Variants in IL27RA observed in about 807,000 individuals in gnomAD.
IL27RA encodes interleukin 27 receptor subunit alpha.
A neutral mutation model predicts 80.8 loss-of-function variants in IL27RA; 61 were observed. The observed-to-expected ratio is 0.76, with a 90% CI of 0.61 to 0.93. The LOEUF is 0.93. Among genes scored for constraint, IL27RA ranks in the 40% least tolerant of loss-of-function variants. The pLI is 0.00. For missense variants in IL27RA, 735 were observed against 808.1 expected (o/e 0.91, Z 1.10); for synonymous variants, 316 against 332.5 (o/e 0.95, Z 0.54).
At chr19:14,033,818 A>G (rs994613406) in intron 2 of IL27RA, among the ~76,000 whole-genome samples, 1 of 151,976 alleles carries the variant, frequency 6.6e-6, no homozygotes, top group Admixed American at 6.6e-5. Context: ...TACAAAGATT[A>G]GCCGATGTGG....
intron 2 of IL27RA, among the ~76,000 whole-genome samples, chr19:14,032,823 A>G (rs1357534585): frequency 4.4e-5 from 5 of 113,344 alleles, no homozygotes; most frequent in Non-Finnish European, 1.0e-4. Context: ...AAAAAAAAAA[A>G]AAAGAAAAGA....
At chr19:14,033,145 G>A (rs1320489806) in intron 2 of IL27RA, among the ~76,000 whole-genome samples, 2 of 144,854 alleles carry the variant, frequency 1.4e-5, no homozygotes, top group Admixed American at 7.0e-5. Flanking sequence ...TGCCCAGGCT[G>A]GAATGCAATG....
chr19:14,038,637 T>C (rs1975941315), intron 2 of IL27RA, among the ~76,000 whole-genome samples: 1 of 149,210 alleles, frequency 6.7e-6, no homozygotes. Context: ...GTAATTCCAG[T>C]ACTTTGGGAG....
intron 2 of IL27RA, among the ~76,000 whole-genome samples, chr19:14,033,087 C>G (rs1273712006): frequency 6.8e-6 from 1 of 147,962 alleles, no homozygotes; most frequent in South Asian, 2.2e-4. Context: ...TTTAGAGAGC[C>G]CGTCACTTTT....
At position 14,050,892 on chromosome 19, in the gene IL27RA, G is replaced by A. The variant is rs776077213; in HGVS notation, c.1528+9G>A. Reference sequence around the variant, plus strand: ...CCGGCTTCATCTACCAGGTAGGGGGGTTGGGATGGGATTGCCACAGGGAGG... The same window carrying A: ...CCGGCTTCATCTACCAGGTAGGGGGATTGGGATGGGATTGCCACAGGGAGG... On this transcript the variant is annotated intron_variant, in intron 11 of 13. Coordinates refer to ENST00000263379, the MANE Select transcript of IL27RA (RefSeq NM_004843.4). The A allele has an allele frequency of 5.0e-6, 8 of 1,601,826 alleles. No individual in the cohort carries two copies. In the African/African-American group the frequency reaches 6.7e-5, roughly 13 times the overall value.
Position 14,044,623 on chromosome 19 carries a change from C to CCAGGGTTAGGGAGGTGAG in IL27RA, c.769-1524_769-1507dup, listed in dbSNP as rs576341146. Among the ~76,000 whole-genome samples, 181 of 152,080 alleles carry CCAGGGTTAGGGAGGTGAG rather than the reference C, an allele frequency of 1.2e-3. 3 individuals are homozygous for CCAGGGTTAGGGAGGTGAG. The highest frequency in any genetic ancestry group is 4.2e-3 in the African/African-American group (173 of 41,448). Reference sequence around the variant, plus strand: ...AAATACAGTTTGATTGGAACCAAGACCAGGGTTAGGGAGGTGAGCAGGGTA... The same window carrying CCAGGGTTAGGGAGGTGAG: ...AAATACAGTTTGATTGGAACCAAGACCAGGGTTAGGGAGGTGAGCAGGGTTAGGGAGGTGAGCAGGGTA... On this transcript the variant is annotated intron_variant, in intron 6 of 13. Coordinates refer to ENST00000263379, the MANE Select transcript of IL27RA (RefSeq NM_004843.4).
chr19:14,049,171 C>T lies in IL27RA; in HGVS notation c.1259C>T (p.Pro420Leu). Residue 420 changes from proline (P) to leucine (L), a missense_variant, in exon 10 of 14, where the codon CCA (proline) becomes CTA (leucine). Coordinates refer to ENST00000263379, the MANE Select transcript of IL27RA (RefSeq NM_004843.4). ...FREELAPLVGPTLWRLQDAPP... is the reference protein window; with the variant it reads ...FREELAPLVGLTLWRLQDAPP... ...TCCTCCCCAGCACCCCTAGTGGGGC[C>T]AACGCTTTGGCGACTCCAAGATGCC... is the stretch of plus-strand genomic sequence containing the variant. 1 of 1,613,994 alleles carries T rather than the reference C, an allele frequency of 6.2e-7. No individual in the cohort carries two copies. Among genetic ancestry groups the T allele is most frequent in the Non-Finnish European group, 8.5e-7 (1 of 1,179,922 alleles).
chr19:14,046,517 A>C lies in IL27RA; in HGVS notation c.1040A>C (p.Glu347Ala), dbSNP rs1976068673. ...LLVTWQPGPG[E>A]PLEHVVDWAR... ...GTGACCTGGCAACCGGGGCCTGGGG[A>C]ACCACTGGAGCATGTAGTGGACTGG... Residue 347 changes from glutamate (E) to alanine (A), a missense_variant, in exon 8 of 14, where the codon GAA (glutamate) becomes GCA (alanine). Transcript: ENST00000263379. 1 of 1,614,056 alleles carries C rather than the reference A, an allele frequency of 6.2e-7. No individual in the cohort carries two copies. Among genetic ancestry groups the C allele is most frequent in the Non-Finnish European group, 8.5e-7 (1 of 1,180,012 alleles).
intron 4 of IL27RA, among the ~76,000 whole-genome samples, chr19:14,040,799 C>G (rs1975978296): frequency 6.6e-6 from 1 of 151,560 alleles, no homozygotes. Context: ...ACTCCACACT[C>G]CAGCCTGGCA....
chr19:14,038,559 C>T (rs1450945849), intron 2 of IL27RA, among the ~76,000 whole-genome samples: 1 of 117,746 alleles, frequency 8.5e-6, no homozygotes, highest in Non-Finnish European at 1.7e-5. Context: ...AGAGTGAGGT[C>T]GTGTCTCTAA....
At chr19:14,042,384 A>G in intron 4 of IL27RA, 69 bp from the exon 5 acceptor site, 1 of 1,515,548 alleles carries the variant, frequency 6.6e-7, no homozygotes, top group African/African-American at 1.4e-5. Flanking sequence ...AAAGGAAAAA[A>G]AAAAAGATAA....
intron 4 of IL27RA, among the ~76,000 whole-genome samples, chr19:14,040,517 C>A (rs558520290): frequency 6.6e-6 from 1 of 152,032 alleles, no homozygotes; most frequent in East Asian, 1.9e-4. Flanking sequence ...AGACTCGTCT[C>A]TAAGAAGTTA....
chr19:14,042,881 G>C, intron 6 of IL27RA, 92 bp downstream of exon 6: 1 of 1,172,244 alleles, frequency 8.5e-7, no homozygotes, highest in Admixed American at 1.8e-5. Flanking sequence ...GCTCACGCTT[G>C]TAATCCCAAC....
chr19:14,038,119 T>C (rs1041638178), intron 2 of IL27RA, among the ~76,000 whole-genome samples: 2 of 151,906 alleles, frequency 1.3e-5, no homozygotes, highest in African/African-American at 4.8e-5. Flanking sequence ...CGTGAGCCAC[T>C]GCACCTGGCC....
In IL27RA at chr19:14,032,487, C is replaced by A. The variant is rs369686315; in HGVS notation, c.202C>A (p.Leu68Ile). The A allele has an allele frequency of 2.5e-6, 4 of 1,612,612 alleles. No individual in the cohort carries two copies. In the African/African-American group the frequency reaches 5.3e-5, roughly 22 times the overall value. Residue 68 changes from leucine (L) to isoleucine (I), a missense_variant, in exon 2 of 14, where the codon CTC becomes ATC. Physicochemically the swap from Leu to Ile is conservative, Grantham distance 5. Coordinates refer to ENST00000263379, the MANE Select transcript of IL27RA (RefSeq NM_004843.4). ...GDLGAPSELH[L>I]QSQKYRSNKT... ...CCTGGGAGCCCCCTCCGAGTTACAC[C>A]TCCAGAGCCAAAAGTAGTGAGTACA...
intron 2 of IL27RA, among the ~76,000 whole-genome samples, chr19:14,034,719 C>T (rs1414773659): frequency 1.3e-5 from 2 of 149,548 alleles, no homozygotes; most frequent in African/African-American, 2.5e-5. Flanking sequence ...TTTGGGAGGC[C>T]GAGGCGGTGG....
chr19:14,042,647 C>T (rs764346145), intron 5 of IL27RA, 35 bp downstream of exon 5: 1 of 1,613,930 alleles, frequency 6.2e-7, no homozygotes, highest in South Asian at 1.1e-5. Context: ...AATCCACGCC[C>T]CTCCCACCCC....
intron 5 of IL27RA, 24 bp downstream of exon 5, chr19:14,042,636 C>T (rs1160371457): frequency 1.2e-6 from 2 of 1,613,998 alleles, no homozygotes; most frequent in Admixed American, 3.3e-5. Flanking sequence ...GGCTTGCCCT[C>T]AATCCACGCC....
intron 8 of IL27RA, among the ~76,000 whole-genome samples, chr19:14,047,243 TTTCAC>T (rs1976082465): frequency 6.7e-6 from 1 of 148,826 alleles, no homozygotes; most frequent in Admixed American, 6.8e-5. Flanking sequence ...AGAGACGGGG[TTTCAC>T]CATGTTGGTT....
Sources: allele counts gnomAD v4.1 joint callset (sites outside exome capture counted in the v4.1 genomes callset), GRCh38; gene constraint gnomAD v4.1.1; transcripts MANE v1.5; gene names NCBI Gene and HGNC (gene_info 2026-07-23, HGNC 2026-07-21).